Variants in FMN1 observed in about 807,000 individuals in gnomAD.
The protein encoded by FMN1 is formin-1.
FMN1 carries 110 observed loss-of-function variants against 132.4 expected under a neutral mutation model. The observed-to-expected ratio is 0.83, with a 90% CI of 0.71 to 0.97. The LOEUF (loss-of-function observed/expected upper bound fraction) is 0.97. Among genes scored for constraint, FMN1 ranks in the 50% least tolerant of loss-of-function variants. FMN1 has a pLI of 0.00. For synonymous variants in FMN1, 722 were observed against 651.7 expected (o/e 1.11, Z -1.64); for missense variants, 1,792 against 1,705.3 (o/e 1.05, Z -0.90).
intron 4 of FMN1, among the ~76,000 whole-genome samples, chr15:33,128,795 A>C (rs1307349455): frequency 1.3e-5 from 2 of 152,274 alleles, no homozygotes; most frequent in South Asian, 2.1e-4. Context: ...GAGCAGCAGC[A>C]AGATTTACTG....
intron 19 of FMN1, among the ~76,000 whole-genome samples, chr15:32,791,647 G>A (rs2057083265): frequency 6.6e-6 from 1 of 152,190 alleles, no homozygotes; most frequent in East Asian, 1.9e-4. Flanking sequence ...AATCAGAGCA[G>A]AGACACCTCA....
At chr15:33,085,620 AG>A (rs1485610424) in intron 5 of FMN1, among the ~76,000 whole-genome samples, 1 of 150,442 alleles carries the variant, frequency 6.6e-6, no homozygotes, top group Non-Finnish European at 1.5e-5. Flanking sequence ...AGCCCATAAA[AG>A]GCTAGTTCAG....
intron 7 of FMN1, among the ~76,000 whole-genome samples, chr15:32,986,172 TC>T (rs1426486843): frequency 6.6e-6 from 1 of 152,116 alleles, no homozygotes; most frequent in Admixed American, 6.5e-5. Context: ...CAGTTATGGA[TC>T]TATCCAGGAA....
chr15:33,139,178 G>A (rs1004480284), intron 4 of FMN1, among the ~76,000 whole-genome samples: 13 of 152,106 alleles, frequency 8.5e-5, no homozygotes, highest in African/African-American at 2.4e-4. Flanking sequence ...TAATTACATT[G>A]CACTGAAATG....
chr15:32,892,123 T>C (rs1445356915), intron 15 of FMN1, among the ~76,000 whole-genome samples: 2 of 152,182 alleles, frequency 1.3e-5, no homozygotes, highest in African/African-American at 4.8e-5. Flanking sequence ...TGGGCATCCT[T>C]GTCTTGTTCC....
At position 32,773,102 on chromosome 15, in the gene FMN1, G is replaced by A. The variant is rs2056304087; in HGVS notation, c.*1208C>T. The A allele has an allele frequency of 6.6e-6, 1 of 152,212 alleles. No individual in the cohort carries two copies. The highest frequency in any genetic ancestry group is 1.5e-5 in the Non-Finnish European group (1 of 68,052). 9.4% of individuals were successfully genotyped at this position (152,212 alleles called of 1,614,324 possible). A position where few individuals can be genotyped will look rare whatever the true frequency, so the allele number is the denominator to read the frequency against. On this transcript the variant is annotated 3_prime_UTR_variant, in exon 21 of 21. Transcript: ENST00000616417. ...AGAGACGTGGCTTAAAGACAAAAGT[G>A]TCAGAGAGGTCAAAGGTGGTTTCCT... is the stretch of plus-strand genomic sequence containing the variant.
At chr15:33,008,212 T>C in intron 6 of FMN1, 137 bp from the exon 7 acceptor site, 1 of 701,508 alleles carries the variant, frequency 1.4e-6, no homozygotes, top group South Asian at 1.9e-5. Flanking sequence ...ATGTTAAAAA[T>C]TACAGAAAGA....
At chr15:32,899,297 C>T (rs1249092561) in intron 14 of FMN1, among the ~76,000 whole-genome samples, 2 of 152,164 alleles carry the variant, frequency 1.3e-5, no homozygotes, top group Non-Finnish European at 2.9e-5. Flanking sequence ...GTGTGAAAAA[C>T]AATCCAGGCC....
chr15:32,881,456 C>T (rs886245552), intron 16 of FMN1, among the ~76,000 whole-genome samples: 16 of 152,148 alleles, frequency 1.1e-4, no homozygotes, highest in African/African-American at 3.6e-4. Context: ...ATTCTACTAT[C>T]GTTCTAGAAA....
At chr15:33,105,104 G>A (rs2039435002) in intron 4 of FMN1, among the ~76,000 whole-genome samples, 2 of 151,966 alleles carry the variant, frequency 1.3e-5, no homozygotes, top group Non-Finnish European at 2.9e-5. Context: ...CTTCAAAGAG[G>A]GAATGAGCAA....
At chr15:33,149,653 T>C (rs1964366819) in intron 4 of FMN1, 12 of 315,882 alleles carry the variant, frequency 3.8e-5, no homozygotes, top group Non-Finnish European at 5.5e-5. Context: ...ATTTGTTTTA[T>C]ATGGGTAGAA....
At chr15:32,920,468 T>C (rs2060794070) in intron 10 of FMN1, among the ~76,000 whole-genome samples, 2 of 152,226 alleles carry the variant, frequency 1.3e-5, no homozygotes. Context: ...TGGATTTGGC[T>C]TTCTTTTACA....
chr15:32,892,555 G>T (rs555645412), intron 15 of FMN1, among the ~76,000 whole-genome samples: 1 of 152,262 alleles, frequency 6.6e-6, no homozygotes, highest in East Asian at 1.9e-4. Flanking sequence ...TTTGGTATTA[G>T]GGTGACGCTT....
intron 11 of FMN1, 50 bp from the exon 12 acceptor site, chr15:32,908,628 A>T: frequency 1.8e-6 from 2 of 1,121,662 alleles, no homozygotes; most frequent in Non-Finnish European, 2.6e-6. Context: ...AAAAAAGGGA[A>T]GTGAGACTCT....
At position 32,765,975 on chromosome 15, in the gene FMN1, T is replaced by C. The variant is rs561286702; in HGVS notation, c.*8335A>G. The C allele has an allele frequency of 1.3e-5, 2 of 152,300 alleles. No individual in the cohort carries two copies. The highest frequency in any genetic ancestry group is 3.9e-4 in the East Asian group (2 of 5,192). The allele number at this position is 152,300 out of a possible 1,614,324, so 9.4% of individuals were successfully genotyped here. ...CAAACAAATTAGAAATACGTATTTT[T>C]AAAAATGCAAAGGGAAAAATACCTG... is the stretch of plus-strand genomic sequence containing the variant. On this transcript the variant is annotated 3_prime_UTR_variant, in exon 21 of 21. Coordinates refer to ENST00000616417, the MANE Select transcript of FMN1 (RefSeq NM_001277313.2).
chr15:33,175,275 C>G (rs942211916), intron 3 of FMN1, among the ~76,000 whole-genome samples: 1 of 152,110 alleles, frequency 6.6e-6, no homozygotes, highest in Non-Finnish European at 1.5e-5. Context: ...TGCCATGTTG[C>G]CCAGGCTGGG....
intron 17 of FMN1, among the ~76,000 whole-genome samples, chr15:32,841,380 T>A (rs2058742259): frequency 6.6e-6 from 1 of 152,222 alleles, no homozygotes; most frequent in South Asian, 2.1e-4. Context: ...GAACATGTAA[T>A]CAAAACTCAT....
intron 4 of FMN1, among the ~76,000 whole-genome samples, chr15:33,113,492 A>T (rs752489233): frequency 6.6e-5 from 10 of 152,140 alleles, no homozygotes; most frequent in Non-Finnish European, 1.3e-4. Context: ...ATAGACAATT[A>T]TGCAGCCTCT....
chr15:33,008,163 T>G, intron 6 of FMN1, 88 bp from the exon 7 acceptor site: 1 of 1,008,606 alleles, frequency 9.9e-7, no homozygotes, highest in Non-Finnish European at 1.5e-6. Context: ...ATAAACTGAC[T>G]AAAATAAATG....
Sources: gnomAD v4.1 joint callset for allele counts (sites outside exome capture counted in the v4.1 genomes callset) on GRCh38, gnomAD v4.1.1 for gene constraint, MANE v1.5 for transcripts, NCBI Gene and HGNC (gene_info 2026-07-23, HGNC 2026-07-21) for gene names.